The following EMCN variants were observed in gnomAD, a reference collection of about 807,000 sequenced individuals.
EMCN encodes MUC-14.
Under a neutral mutation model 38.4 loss-of-function variants are expected in EMCN, and 37 were observed. That is an observed-to-expected ratio of 0.96 (90% confidence interval 0.74 to 1.27). The LOEUF is 1.27. Ranked by LOEUF, EMCN falls within the 50% of genes most tolerant of loss-of-function variation. EMCN has a pLI of 0.00. For synonymous variants in EMCN, 95 were observed against 100.8 expected (o/e 0.94, Z 0.35); for missense variants, 318 against 302.8 (o/e 1.05, Z -0.37).
intron 4 of EMCN, among the ~76,000 whole-genome samples, chr4:100,461,931 T>C (rs1728190250): frequency 6.6e-6 from 1 of 152,160 alleles, no homozygotes; most frequent in South Asian, 2.1e-4. Context: ...CTGTCCTGTA[T>C]CCACTAATCC....
At chr4:100,483,723 T>C (rs1379069164) in intron 1 of EMCN, among the ~76,000 whole-genome samples, 8 of 152,162 alleles carry the variant, frequency 5.3e-5, no homozygotes, top group Non-Finnish European at 1.2e-4. Context: ...TTCCTCTAAC[T>C]ACCATGGTTG....
chr4:100,458,836 C>T (rs756258360), intron 4 of EMCN, among the ~76,000 whole-genome samples: 50 of 152,246 alleles, frequency 3.3e-4, no homozygotes, highest in Non-Finnish European at 5.0e-4. Flanking sequence ...AAAACTCTGC[C>T]TCCTCAGAAG....
At chr4:100,412,078 G>A (rs1169063133) in intron 10 of EMCN, among the ~76,000 whole-genome samples, 1 of 152,076 alleles carries the variant, frequency 6.6e-6, no homozygotes, top group Non-Finnish European at 1.5e-5. Flanking sequence ...TTAATTATAT[G>A]TAATTACCAT....
chr4:100,405,848 G>T (rs1726377610), intron 11 of EMCN, among the ~76,000 whole-genome samples: 2 of 151,936 alleles, frequency 1.3e-5, no homozygotes, highest in South Asian at 4.1e-4. Flanking sequence ...AATCTGTCTG[G>T]TCCAGGGCTT....
At chr4:100,437,546 T>C (rs1461274833) in intron 5 of EMCN, among the ~76,000 whole-genome samples, 1 of 152,144 alleles carries the variant, frequency 6.6e-6, no homozygotes, top group Non-Finnish European at 1.5e-5. Flanking sequence ...TGGTCTTACC[T>C]TTCAGTCTTT....
chr4:100,421,195 T>G, intron 8 of EMCN, 87 bp downstream of exon 8: 1 of 1,157,524 alleles, frequency 8.6e-7, no homozygotes, highest in Non-Finnish European at 1.3e-6. Flanking sequence ...TTCTATAACT[T>G]TTCTCTCCCT....
chr4:100,438,833 C>G (rs898962764), intron 5 of EMCN, among the ~76,000 whole-genome samples: 1 of 151,512 alleles, frequency 6.6e-6, no homozygotes, highest in Non-Finnish European at 1.5e-5. Context: ...TTTTCTGTGT[C>G]AAGATCATTG....
chr4:100,516,809 CT>C (rs1379110485), intron 1 of EMCN, among the ~76,000 whole-genome samples: 2 of 151,974 alleles, frequency 1.3e-5, no homozygotes, highest in Non-Finnish European at 1.5e-5. Context: ...AGGCAGTAAT[CT>C]TTTAAATTGA....
chr4:100,399,468 A>C (rs1251808124), intron 11 of EMCN, among the ~76,000 whole-genome samples: 3 of 152,100 alleles, frequency 2.0e-5, no homozygotes, highest in Non-Finnish European at 2.9e-5. Context: ...TACATGGGGG[A>C]AAGCAGGACA....
intron 1 of EMCN, among the ~76,000 whole-genome samples, chr4:100,508,588 A>G (rs1391563631): frequency 1.3e-5 from 2 of 152,216 alleles, no homozygotes; most frequent in African/African-American, 4.8e-5. Flanking sequence ...ATTACTCAAC[A>G]TACTGAATTA....
intron 5 of EMCN, among the ~76,000 whole-genome samples, chr4:100,423,690 A>G (rs908192373): frequency 3.9e-5 from 6 of 152,138 alleles, no homozygotes; most frequent in Non-Finnish European, 5.9e-5. Context: ...TGTATAACCT[A>G]CTGCATAAGA....
intron 1 of EMCN, among the ~76,000 whole-genome samples, chr4:100,489,963 T>C (rs1438845933): frequency 6.6e-6 from 1 of 152,160 alleles, no homozygotes; most frequent in African/African-American, 2.4e-5. Flanking sequence ...GATGGTTAAC[T>C]AGAAAGCAGC....
intron 5 of EMCN, chr4:100,446,247 C>G (rs1353076565): frequency 1.0e-6 from 1 of 977,138 alleles, no homozygotes. Context: ...CAATTTTTAG[C>G]CTATGAAGAT....
At chr4:100,439,669 T>G (rs1727456239) in intron 5 of EMCN, among the ~76,000 whole-genome samples, 1 of 151,766 alleles carries the variant, frequency 6.6e-6, no homozygotes, top group African/African-American at 2.4e-5. Context: ...TTCTGCTAAT[T>G]TGGGGTTTAA....
At chr4:100,402,086 C>A (rs1007959968) in intron 11 of EMCN, among the ~76,000 whole-genome samples, 1 of 151,784 alleles carries the variant, frequency 6.6e-6, no homozygotes, top group African/African-American at 2.4e-5. Flanking sequence ...TTATAATTTC[C>A]ATATCATTAA....
intron 1 of EMCN, among the ~76,000 whole-genome samples, chr4:100,513,379 T>C (rs536180894): frequency 2.0e-4 from 31 of 152,308 alleles, no homozygotes; most frequent in Non-Finnish European, 3.8e-4. Flanking sequence ...CAACTCACGT[T>C]ACCTGTAATG....
chr4:100,481,747 A>T (rs1293780830), intron 1 of EMCN, among the ~76,000 whole-genome samples: 4 of 152,148 alleles, frequency 2.6e-5, no homozygotes, highest in Non-Finnish European at 5.9e-5. Context: ...AGACAGGAAA[A>T]TTCACCTATA....
At chr4:100,419,473 T>C (rs1354634332) in intron 8 of EMCN, among the ~76,000 whole-genome samples, 2 of 152,134 alleles carry the variant, frequency 1.3e-5, no homozygotes, top group Non-Finnish European at 1.5e-5. Flanking sequence ...TAGCTATCCG[T>C]AGTGGTAGGA....
chr4:100,477,576 A>G (rs1728695339), intron 2 of EMCN, among the ~76,000 whole-genome samples: 1 of 152,242 alleles, frequency 6.6e-6, no homozygotes, highest in Admixed American at 6.5e-5. Context: ...TGCCATTGGC[A>G]AGAAAAATAA....
Sources: gnomAD v4.1 joint callset for allele counts (sites outside exome capture counted in the v4.1 genomes callset) on GRCh38, gnomAD v4.1.1 for gene constraint, MANE v1.5 for transcripts, NCBI Gene and HGNC (gene_info 2026-07-23, HGNC 2026-07-21) for gene names.